Variants in TBCD observed in about 807,000 individuals in gnomAD.
TBCD encodes tubulin folding cofactor D.
TBCD carries 105 observed loss-of-function variants against 169.3 expected under a neutral mutation model. That is an observed-to-expected ratio of 0.62 (90% CI 0.53 to 0.73). The LOEUF (loss-of-function observed/expected upper bound fraction) is 0.73, where lower values mean the gene tolerates loss of function less well. Among genes scored for constraint, TBCD ranks in the 30% least tolerant of loss-of-function variants. The probability of loss-of-function intolerance (pLI) is 0.00; values close to 1 mark genes in which losing one functional copy is unlikely to be tolerated. For missense variants in TBCD, 1,444 were observed against 1,600.1 expected, an observed-to-expected ratio of 0.90 and a Z score of 1.66; for synonymous variants, 700 against 643.9, an observed-to-expected ratio of 1.09 and a Z score of -1.32.
In TBCD at chr17:82,780,324, C is replaced by G. The variant is rs1327510631; in HGVS notation, c.639-1265C>G. Among the ~76,000 whole-genome samples the G allele has an allele frequency of 3.9e-5, 6 of 152,238 alleles. No individual in the cohort carries two copies. In the East Asian group the frequency reaches 1.2e-3, roughly 30 times the overall value. The stretch of plus-strand genomic sequence containing the variant: ...ACTTTTCTTTGCACTGTGGAAGTCC[C>G]CAGCTGTTTGTCGTTTCTCTCCAGA... On this transcript the variant is annotated intron_variant, in intron 6 of 38. Coordinates refer to ENST00000355528, the MANE Select transcript of TBCD (RefSeq NM_005993.5).
chr17:82,784,271 T>A (rs1189830864), intron 7 of TBCD, among the ~76,000 whole-genome samples: 1 of 152,228 alleles, frequency 6.6e-6, no homozygotes, highest in Non-Finnish European at 1.5e-5. Context: ...GTGGCATACC[T>A]GTCGTACTGA....
At chr17:82,801,588 A>G (rs1182981388) in intron 9 of TBCD, among the ~76,000 whole-genome samples, 1 of 94,404 alleles carries the variant, frequency 1.1e-5, no homozygotes, top group Admixed American at 1.3e-4. Flanking sequence ...TGGCTCGGTC[A>G]GCGTGGCAGG....
chr17:82,755,536 G>T (rs2047358048), intron 1 of TBCD, among the ~76,000 whole-genome samples: 1 of 152,188 alleles, frequency 6.6e-6, no homozygotes, highest in Non-Finnish European at 1.5e-5. Flanking sequence ...GTGTCTTATT[G>T]CTACTTAAGA....
rs36201910 is a variant in TBCD, at chr17:82,922,360, TCAAAAACAAAAACAAAAA to T, written c.2178+796_2178+813del. ...TGGGTGACAAGAGCAAGACCCTGCC[TCAAAAACAAAAACAAAAA>T]CAAAAACAAAAAAAACCATGGTTAC... On this transcript the variant is annotated intron_variant, in intron 25 of 38. Coordinates refer to ENST00000355528, the MANE Select transcript of TBCD (RefSeq NM_005993.5). This position sits in a 1 kb window ranked among gnomAD's most constrained non-coding sequence, Gnocchi z 4.1. Among the ~76,000 whole-genome samples the T allele has an allele frequency of 6.6e-6, 1 of 151,410 alleles. No individual in the cohort carries two copies. The highest frequency in any genetic ancestry group is 1.5e-5 in the Non-Finnish European group (1 of 67,882).
Position 82,752,200 on chromosome 17 carries a change from C to G in TBCD, c.7C>G (p.Leu3Val). MA[L>V]SDEPAAGGPE... is the part of the protein sequence containing the mutation. ...CGGTCCCCAGGCTGCCGAGATGGCC[C>G]TGAGCGACGAACCGGCCGCGGGCGG... The change falls in exon 1 of 39, where the codon CTG becomes GTG. Residue 3 changes from leucine to valine, a missense_variant. Physicochemically the swap from Leu to Val is conservative, Grantham distance 32. Transcript: ENST00000355528. 6.6e-7 allele frequency: 1 copy of G among 1,522,034 alleles called. No individual in the cohort carries two copies. The highest frequency in any genetic ancestry group is 2.0e-4 in the Middle Eastern group (1 of 4,912). The allele number at this position is 1,522,034 out of a possible 1,614,324, so 94.3% of individuals were successfully genotyped here.
At position 82,794,207 on chromosome 17, in the gene TBCD, C is replaced by T. The variant is rs557399787; in HGVS notation, c.772-3550C>T. Among the ~76,000 whole-genome samples the T allele has an allele frequency of 1.8e-3, 275 of 152,196 alleles. 1 individual carries two copies. Among genetic ancestry groups the T allele is most frequent in the African/African-American group, 6.4e-3 (265 of 41,512 alleles). On this transcript the variant is annotated intron_variant, in intron 7 of 38. Coordinates refer to ENST00000355528, the MANE Select transcript of TBCD (RefSeq NM_005993.5). ...GCTTGGCAGCGGGTGAGCTTGCTCC[C>T]GAGTAGCTCGACAGCCTGTGATTTA...
At chr17:82,753,801 G>A (rs1456496759) in intron 1 of TBCD, among the ~76,000 whole-genome samples, 1 of 151,728 alleles carries the variant, frequency 6.6e-6, no homozygotes, top group Non-Finnish European at 1.5e-5. Flanking sequence ...ATTTGTCAGG[G>A]CAGGGGAGTT....
intron 13 of TBCD, among the ~76,000 whole-genome samples, chr17:82,863,440 C>T (rs1191300490): frequency 4.6e-5 from 7 of 152,184 alleles, no homozygotes; most frequent in Admixed American, 3.9e-4. Context: ...CCGAGAGCGA[C>T]GGCTTAAGCA....
intron 37 of TBCD, among the ~76,000 whole-genome samples, chr17:82,941,004 A>G (rs2063175211): frequency 6.6e-6 from 1 of 152,264 alleles, no homozygotes; most frequent in African/African-American, 2.4e-5. Flanking sequence ...TTAAATTAGA[A>G]ACGAAAAACA....
At chr17:82,760,265 A>T (rs1251548247) in intron 2 of TBCD, among the ~76,000 whole-genome samples, 2 of 152,236 alleles carry the variant, frequency 1.3e-5, no homozygotes, top group Non-Finnish European at 2.9e-5. Context: ...ATTAATGCGG[A>T]TGAACTCCGG....
intron 27 of TBCD, among the ~76,000 whole-genome samples, chr17:82,925,352 A>C (rs571593072): frequency 1.3e-5 from 2 of 152,270 alleles, no homozygotes; most frequent in Non-Finnish European, 2.9e-5. Flanking sequence ...AGTGAGGAGA[A>C]CACAGTTGCC....
chr17:82,760,804 C>T (rs1428755737), intron 2 of TBCD, among the ~76,000 whole-genome samples: 4 of 152,172 alleles, frequency 2.6e-5, no homozygotes, highest in Non-Finnish European at 4.4e-5. Context: ...TCTCTGCTTC[C>T]GCAGTAACCA....
intron 17 of TBCD, among the ~76,000 whole-genome samples, chr17:82,894,225 A>T (rs1292108054): frequency 6.6e-6 from 1 of 152,266 alleles, no homozygotes; most frequent in Admixed American, 6.5e-5. Flanking sequence ...AATTATATCA[A>T]ACTGTTTTAG....
At chr17:82,829,897 A>G (rs934151362) in intron 13 of TBCD, 11 of 585,298 alleles carry the variant, frequency 1.9e-5, no homozygotes, top group East Asian at 1.2e-4. Flanking sequence ...TTGAAAATAC[A>G]TATCAGTCTT....
intron 3 of TBCD, among the ~76,000 whole-genome samples, chr17:82,764,692 A>C (rs559165888): frequency 5.3e-5 from 8 of 152,196 alleles, no homozygotes; most frequent in Non-Finnish European, 1.2e-4. Flanking sequence ...TTTCCTGGGA[A>C]TTTTGCTGTG....
intron 14 of TBCD, among the ~76,000 whole-genome samples, chr17:82,881,533 AC>A (rs1413819812): frequency 6.6e-6 from 1 of 152,132 alleles, no homozygotes; most frequent in East Asian, 1.9e-4. Flanking sequence ...CCCAGCCGAT[AC>A]GGGCCTGCTG....
intron 3 of TBCD, among the ~76,000 whole-genome samples, chr17:82,765,736 G>A (rs899346746): frequency 2.6e-5 from 4 of 152,212 alleles, no homozygotes; most frequent in Non-Finnish European, 5.9e-5. Flanking sequence ...CCTCATAAAT[G>A]TCAGAGGACA....
chr17:82,924,827 C>T lies in TBCD; in HGVS notation c.2261-112C>T, dbSNP rs186349572. 1,852 of 783,716 alleles carry T rather than the reference C, an allele frequency of 2.4e-3. 15 individuals carry two copies. Among genetic ancestry groups the T allele is most frequent in the East Asian group, 4.8e-3 (169 of 35,152 alleles). The allele number at this position is 783,716 out of a possible 1,614,324, so 48.5% of individuals were successfully genotyped here. A position where few individuals can be genotyped will look rare whatever the true frequency, so the allele number is the denominator to read the frequency against. On this transcript the variant is annotated intron_variant, in intron 26 of 38. Transcript: ENST00000355528. ...ACGTGTCTGCTTTGGGAACCTCAGG[C>T]GGCTCCTCCTTTGTTCACTGTGGCT...
rs910096197 is a variant in TBCD at position 82,898,559 on chromosome 17, A to AT, written c.1650-2082dup. Reference sequence around the variant, plus strand: ...TTTTTGATGATATTTCTGCTACACTATTTTTTTTTTATTGATTCAGAAGAA... The same window carrying AT: ...TTTTTGATGATATTTCTGCTACACTATTTTTTTTTTTATTGATTCAGAAGAA... On this transcript the variant is annotated intron_variant, in intron 17 of 38. Transcript: ENST00000355528. 7.0e-4 allele frequency among the ~76,000 whole-genome samples: 103 copies of AT among 147,912 alleles called. No homozygotes were observed. In the East Asian group the frequency reaches 0.012, roughly 17 times the overall value.
Sources: gnomAD v4.1 joint callset for allele counts (sites outside exome capture counted in the v4.1 genomes callset) on GRCh38, gnomAD v4.1.1 for gene constraint, Gnocchi (gnomAD v3.1) non-coding constraint, MANE v1.5 for transcripts, NCBI Gene and HGNC (gene_info 2026-07-23, HGNC 2026-07-21) for gene names.